The following SLC15A5 variants were observed in gnomAD, a reference collection of about 807,000 sequenced individuals.
SLC15A5 encodes solute carrier family 15 member 5.
SLC15A5 carries 58 observed loss-of-function variants against 56.1 expected under a neutral mutation model. The observed-to-expected ratio is 1.03, with a 90% confidence interval of 0.84 to 1.29. SLC15A5 has a LOEUF of 1.29. Ranked by LOEUF, SLC15A5 falls within the 50% of genes most tolerant of loss-of-function variation. The pLI, the probability that SLC15A5 is intolerant of heterozygous loss-of-function variation, is 0.00. For missense variants in SLC15A5, 681 were observed against 672.1 expected (o/e 1.01, Z -0.15); for synonymous variants, 264 against 250.5 (o/e 1.05, Z -0.51).
chr12:16,255,157 A>G (rs961445544), intron 3 of SLC15A5, among the ~76,000 whole-genome samples: 1 of 152,106 alleles, frequency 6.6e-6, no homozygotes, highest in Non-Finnish European at 1.5e-5. Flanking sequence ...TGATAGCTGA[A>G]TGCCTGAGCT....
At chr12:16,250,590 C>T (rs770273290) in intron 3 of SLC15A5, among the ~76,000 whole-genome samples, 2 of 151,592 alleles carry the variant, frequency 1.3e-5, no homozygotes, top group Non-Finnish European at 2.9e-5. Flanking sequence ...GAAGTGCAAG[C>T]GAAAGTACGC....
chr12:16,197,749 T>A (rs1863908564), intron 7 of SLC15A5, among the ~76,000 whole-genome samples: 1 of 110,032 alleles, frequency 9.1e-6, no homozygotes, highest in Non-Finnish European at 1.9e-5. Context: ...ATGTTCTGTA[T>A]GCCTTTTTTT....
At chr12:16,259,055 A>G (rs1344671986) in intron 2 of SLC15A5, among the ~76,000 whole-genome samples, 21 of 89,804 alleles carry the variant, frequency 2.3e-4, no homozygotes, top group Admixed American at 3.6e-4. Context: ...TTTTTGCGAC[A>G]AAGTCTTACT....
intron 3 of SLC15A5, among the ~76,000 whole-genome samples, chr12:16,250,920 A>G (rs1591655735): frequency 6.6e-6 from 1 of 152,000 alleles, no homozygotes. Flanking sequence ...AAACAAACAC[A>G]TGGAAAACCC....
In SLC15A5 at chr12:16,235,857, A is replaced by G. The variant is rs1264742426; in HGVS notation, c.1162+3824T>C. On this transcript the variant is annotated intron_variant, in intron 5 of 8. Transcript: ENST00000344941. This position sits in a 1 kb window ranked among gnomAD's most constrained non-coding sequence, Gnocchi z 4.1. ...TGGTTTCAACCACAAAAAGAACTTT[A>G]TACAACTGCAAGTTATTAGAACTAG... Among the ~76,000 whole-genome samples the G allele has an allele frequency of 7.2e-5, 11 of 152,196 alleles. No homozygotes were observed. Among genetic ancestry groups the G allele is most frequent in the African/African-American group, 2.7e-4 (11 of 41,466 alleles).
rs1330339749 is a variant in SLC15A5, at chr12:16,277,645, T to C, written c.41A>G (p.His14Arg). The stretch of plus-strand genomic sequence containing the variant: ...CTCCTTCTCAATGCTGTGATATAAG[T>C]GTACTTTCTCATCAGTTATGGTAAA... ...TGFTITDEKVHLYHSIEKEKT... is the reference protein window; with the variant it reads ...TGFTITDEKVRLYHSIEKEKT... The change falls in exon 1 of 9, where the codon CAC (histidine) becomes CGC (arginine). Residue 14 changes from histidine (H) to arginine (R), a missense_variant. By Grantham distance (29) the His-to-Arg change is conservative. Transcript: ENST00000344941. The C allele has an allele frequency of 5.9e-6, 9 of 1,535,918 alleles. No individual in the cohort carries two copies. The highest frequency in any genetic ancestry group is 7.9e-6 in the Non-Finnish European group (9 of 1,145,986).
At chr12:16,207,362 A>G (rs543524866) in intron 7 of SLC15A5, among the ~76,000 whole-genome samples, 1 of 152,354 alleles carries the variant, frequency 6.6e-6, no homozygotes, top group East Asian at 1.9e-4. Context: ...CAACTCTACT[A>G]ATAGCGTAGA....
chr12:16,265,959 A>G (rs902950772), intron 2 of SLC15A5, among the ~76,000 whole-genome samples: 4 of 152,214 alleles, frequency 2.6e-5, no homozygotes, highest in Non-Finnish European at 5.9e-5. Context: ...TAAATAACAG[A>G]TTAATAATAT....
chr12:16,258,945 T>C (rs1165177075), intron 2 of SLC15A5, among the ~76,000 whole-genome samples: 5 of 150,104 alleles, frequency 3.3e-5, no homozygotes, highest in Non-Finnish European at 5.9e-5. Flanking sequence ...ACAAGTGTGG[T>C]CCACTGGGGG....
intron 7 of SLC15A5, among the ~76,000 whole-genome samples, chr12:16,216,291 T>G (rs548066473): frequency 6.6e-6 from 1 of 152,318 alleles, no homozygotes; most frequent in East Asian, 1.9e-4. Context: ...CTGGCTGTTG[T>G]TTTTACCAAC....
At chr12:16,260,745 C>G (rs1282747383) in intron 2 of SLC15A5, among the ~76,000 whole-genome samples, 1 of 130,720 alleles carries the variant, frequency 7.6e-6, no homozygotes, top group Non-Finnish European at 1.6e-5. Flanking sequence ...ACCTAAGTCA[C>G]AAGTATTTTC....
chr12:16,232,518 T>C (rs531333646), intron 5 of SLC15A5, among the ~76,000 whole-genome samples: 17 of 152,108 alleles, frequency 1.1e-4, no homozygotes, highest in Admixed American at 9.8e-4. Flanking sequence ...AAAAAGACCT[T>C]TACCAAAGTA....
At chr12:16,211,604 G>T (rs1197399452) in intron 7 of SLC15A5, among the ~76,000 whole-genome samples, 2 of 152,112 alleles carry the variant, frequency 1.3e-5, no homozygotes, top group Non-Finnish European at 2.9e-5. Context: ...TTATGAAAAG[G>T]TTTAAGTTCG....
intron 5 of SLC15A5, among the ~76,000 whole-genome samples, chr12:16,234,018 C>A (rs558435924): frequency 6.6e-6 from 1 of 152,246 alleles, no homozygotes; most frequent in Admixed American, 6.5e-5. Flanking sequence ...AAGTGTGAGA[C>A]TGAGTAATTT....
In SLC15A5 at chr12:16,216,979, G is replaced by T; in HGVS notation, c.1397C>A (p.Thr466Asn). 2.0e-6 allele frequency: 3 copies of T among 1,536,760 alleles called. No homozygotes were observed. Among genetic ancestry groups the T allele is most frequent in the Non-Finnish European group, 2.6e-6 (3 of 1,146,570 alleles). ...GAACAGTGTCAGAAAATTCATGGAG[G>T]TTCCTCTGACATTGCTTGGAACAAA... ...YRFVPSNVRG[T>N]SMNFLTLFNG... Residue 466 changes from threonine to asparagine, a missense_variant, in exon 7 of 9, where the codon ACC (threonine) becomes AAC (asparagine). Thr to Asn is a moderately conservative substitution (Grantham distance 65, BLOSUM62 0). Coordinates refer to ENST00000344941, the MANE Select transcript of SLC15A5 (RefSeq NM_001170798.1).
chr12:16,274,083 G>A (rs554202848), intron 1 of SLC15A5, among the ~76,000 whole-genome samples: 14 of 151,864 alleles, frequency 9.2e-5, no homozygotes, highest in Admixed American at 8.5e-4. Context: ...GATTTCTAGT[G>A]ATGATGTGAT....
At position 16,251,404 on chromosome 12, in the gene SLC15A5, T is replaced by A. The variant is rs557595812; in HGVS notation, c.754+6297A>T. Among the ~76,000 whole-genome samples, 10 of 151,856 alleles carry A rather than the reference T, an allele frequency of 6.6e-5. No individual in the cohort carries two copies. In the South Asian group the frequency reaches 2.1e-3, roughly 32 times the overall value. On this transcript the variant is annotated intron_variant, in intron 3 of 8. Transcript: ENST00000344941. Reference sequence around the variant, plus strand: ...AAAAACTCAATGAAAGCATGTTGATTTTTGGAAAGATTAAAAAAATTAACA... The same window carrying A: ...AAAAACTCAATGAAAGCATGTTGATATTTGGAAAGATTAAAAAAATTAACA...
Position 16,243,212 on chromosome 12 carries a change from TC to T in SLC15A5, c.975+1367del, listed in dbSNP as rs1864429437. 5.1e-5 allele frequency among the ~76,000 whole-genome samples: 2 copies of T among 39,474 alleles called. No individual in the cohort carries two copies. Among genetic ancestry groups the T allele is most frequent in the Admixed American group, 1.1e-3 (2 of 1,860 alleles). 25.9% of individuals were successfully genotyped at this position (39,474 alleles called of 152,430 possible). On this transcript the variant is annotated intron_variant, in intron 4 of 8. Transcript: ENST00000344941. This position sits in a 1 kb window ranked among gnomAD's most constrained non-coding sequence, Gnocchi z 4.4. The stretch of plus-strand genomic sequence containing the variant: ...TTTATATATTTTTCTTTGCTTTTTC[TC>T]TTTTTTTTTTTTTTGAGATGGAGTT...
At chr12:16,241,827 A>G (rs1864416891) in intron 4 of SLC15A5, among the ~76,000 whole-genome samples, 1 of 117,960 alleles carries the variant, frequency 8.5e-6, no homozygotes, top group Non-Finnish European at 1.8e-5. Context: ...ACACAGAAAT[A>G]TGTTAACTTA....
Sources: gnomAD v4.1 joint callset for allele counts (sites outside exome capture counted in the v4.1 genomes callset) on GRCh38, gnomAD v4.1.1 for gene constraint, Gnocchi (gnomAD v3.1) non-coding constraint, MANE v1.5 for transcripts, NCBI Gene and HGNC (gene_info 2026-07-23, HGNC 2026-07-21) for gene names.